Variants in LRCH3 observed in about 807,000 individuals in gnomAD.
LRCH3 encodes the protein leucine rich repeats and calponin homology domain containing 3, also known as DISP complex protein LRCH3.
In LRCH3, 68 loss-of-function variants were observed where a neutral mutation model predicts 104.5. The observed-to-expected ratio is 0.65, with a 90% CI of 0.54 to 0.80. LRCH3 has a LOEUF of 0.80. Ranked by LOEUF, LRCH3 falls within the 30% of genes least tolerant of loss-of-function variation. The probability of loss-of-function intolerance (pLI) is 0.00; values close to 1 mark genes in which losing one functional copy is unlikely to be tolerated. For synonymous variants in LRCH3, 344 were observed against 361.3 expected, an observed-to-expected ratio of 0.95 and a Z score of 0.54; for missense variants, 951 against 953.9, an observed-to-expected ratio of 1.00 and a Z score of 0.04.
intron 20 of LRCH3, chr3:197,880,760 A>G: frequency 1.3e-6 from 2 of 1,534,498 alleles, no homozygotes; most frequent in Non-Finnish European, 1.7e-6. Context: ...TGTGCTTGGT[A>G]AAGGAGGTTT....
At chr3:197,830,980 C>T in intron 7 of LRCH3, 117 bp downstream of exon 7, 1 of 880,250 alleles carries the variant, frequency 1.1e-6, no homozygotes, top group Non-Finnish European at 1.8e-6. Flanking sequence ...ACAGAAAAGT[C>T]AAGGTGGAGG....
At position 197,817,331 on chromosome 3, in the gene LRCH3, T is replaced by TTTTGTGTGTGTGC. The variant is rs1553916504; in HGVS notation, c.534+29_534+30insTTTGTGTGTGTGC. ...AGTTAATATTTTTGATTGTCCAACA[T>TTTTGTGTGTGTGC]GTGTGTGTGTGTGTCTGTGTGTGTG... On this transcript the variant is annotated intron_variant, in intron 3 of 20. Transcript: ENST00000425562. 5 of 445,902 alleles carry TTTTGTGTGTGTGC rather than the reference T, an allele frequency of 1.1e-5. No individual in the cohort carries two copies. In the South Asian group the frequency reaches 1.3e-4, roughly 12 times the overall value. The allele number at this position is 445,902 out of a possible 1,614,324, so 27.6% of individuals were successfully genotyped here. A position where few individuals can be genotyped will look rare whatever the true frequency, so the allele number is the denominator to read the frequency against.
chr3:197,855,873 TC>T (rs1318810344), intron 14 of LRCH3, among the ~76,000 whole-genome samples: 1 of 152,206 alleles, frequency 6.6e-6, no homozygotes, highest in African/African-American at 2.4e-5. Flanking sequence ...CCAAATAGTG[TC>T]CAACCAACAC....
chr3:197,876,748 T>G (rs542372111), intron 20 of LRCH3, among the ~76,000 whole-genome samples: 1 of 152,292 alleles, frequency 6.6e-6, no homozygotes, highest in Non-Finnish European at 1.5e-5. Context: ...GCCCTGGGGC[T>G]CATCAACAGC....
chr3:197,837,642 C>G (rs148967083), intron 9 of LRCH3, among the ~76,000 whole-genome samples: 1 of 152,004 alleles, frequency 6.6e-6, no homozygotes, highest in Non-Finnish European at 1.5e-5. Context: ...ATAGACCATT[C>G]CTGTCTGAAC....
intron 20 of LRCH3, among the ~76,000 whole-genome samples, chr3:197,879,575 G>A (rs1419907239): frequency 1.3e-5 from 2 of 151,862 alleles, no homozygotes; most frequent in Non-Finnish European, 2.9e-5. Context: ...GAACCCGGGA[G>A]GCGGAGCTTG....
intron 4 of LRCH3, among the ~76,000 whole-genome samples, chr3:197,821,659 C>T (rs566983173): frequency 1.1e-4 from 17 of 152,258 alleles, no homozygotes; most frequent in Admixed American, 2.6e-4. Context: ...CAAAATATGA[C>T]TTACAGTGTA....
At chr3:197,838,011 G>T (rs1237795117) in intron 9 of LRCH3, among the ~76,000 whole-genome samples, 4 of 151,898 alleles carry the variant, frequency 2.6e-5, no homozygotes, top group Non-Finnish European at 4.4e-5. Flanking sequence ...AGTGAGCCGA[G>T]ATTGTGCTAC....
chr3:197,794,232 T>C (rs921737083), intron 1 of LRCH3, among the ~76,000 whole-genome samples: 3 of 152,234 alleles, frequency 2.0e-5, no homozygotes, highest in African/African-American at 7.2e-5. Context: ...TTCATCTAAC[T>C]CTGTTCTTTC....
chr3:197,834,730 T>C (rs1376274019), intron 8 of LRCH3, among the ~76,000 whole-genome samples: 12 of 152,242 alleles, frequency 7.9e-5, no homozygotes, highest in African/African-American at 2.9e-4. Flanking sequence ...TAAGGAGCTG[T>C]CCAAAGAAAA....
chr3:197,832,486 CTA>C (rs1736093112), intron 8 of LRCH3, among the ~76,000 whole-genome samples, 169 bp downstream of exon 8: 1 of 152,108 alleles, frequency 6.6e-6, no homozygotes, highest in African/African-American at 2.4e-5. Flanking sequence ...TGGGATGAAA[CTA>C]TGATTTCTGG....
rs71166710 is a variant in LRCH3 at position 197,833,365 on chromosome 3, G to GAAAAAAAAAAAA, written c.1102+1063_1102+1074dup. 1.8e-4 allele frequency among the ~76,000 whole-genome samples: 6 copies of GAAAAAAAAAAAA among 33,336 alleles called. 1 individual carries two copies. Among genetic ancestry groups the GAAAAAAAAAAAA allele is most frequent in the Non-Finnish European group, 2.4e-4 (5 of 20,716 alleles). 21.9% of individuals were successfully genotyped at this position (33,336 alleles called of 152,430 possible). A position where few individuals can be genotyped will look rare whatever the true frequency, so the allele number is the denominator to read the frequency against. On this transcript the variant is annotated intron_variant, in intron 8 of 20. Coordinates refer to ENST00000425562, the MANE Select transcript of LRCH3 (RefSeq NM_001365715.1). The stretch of plus-strand genomic sequence containing the variant: ...TGAAACCCCATCTCTACTAAAAACC[G>GAAAAAAAAAAAA]AAAAAAAAAAAAAAAAAAAAAAAAA...
Position 197,883,734 on chromosome 3 carries a change from A to G in LRCH3, c.*68A>G. The G allele has an allele frequency of 6.8e-7, 1 of 1,470,408 alleles. No homozygotes were observed. The highest frequency in any genetic ancestry group is 1.3e-5 in the South Asian group (1 of 77,096). 91.1% of individuals were successfully genotyped at this position (1,470,408 alleles called of 1,614,324 possible). A position where few individuals can be genotyped will look rare whatever the true frequency, so the allele number is the denominator to read the frequency against. On this transcript the variant is annotated 3_prime_UTR_variant, in exon 21 of 21. Coordinates refer to ENST00000425562, the MANE Select transcript of LRCH3 (RefSeq NM_001365715.1). The surrounding 1 kb of genome is among the most constrained non-coding windows in gnomAD (Gnocchi z 4.2). ...ACAGGACACCGTGATTGCTGCTGCC[A>G]GCTGTCTGCTTAAACAAAGCTCTTG...
At chr3:197,841,262 G>A (rs1415911771) in intron 10 of LRCH3, among the ~76,000 whole-genome samples, 2 of 152,152 alleles carry the variant, frequency 1.3e-5, no homozygotes, top group African/African-American at 2.4e-5. Context: ...TGCAGTTACC[G>A]GTCCCCATTA....
chr3:197,866,007 A>G, intron 16 of LRCH3, 105 bp from the exon 17 acceptor site: 1 of 807,960 alleles, frequency 1.2e-6, no homozygotes, highest in Non-Finnish European at 2.0e-6. Flanking sequence ...GAATTATTTT[A>G]TATCATTGCC....
chr3:197,860,782 A>G (rs1740784292), intron 15 of LRCH3, among the ~76,000 whole-genome samples: 1 of 152,120 alleles, frequency 6.6e-6, no homozygotes, highest in South Asian at 2.1e-4. Flanking sequence ...TTATTTTTAA[A>G]TGTACAATTA....
chr3:197,852,261 C>G (rs1365903384), intron 12 of LRCH3: 1 of 256,284 alleles, frequency 3.9e-6, no homozygotes, highest in Non-Finnish European at 7.5e-6. Flanking sequence ...AAACACAAAC[C>G]TGAGATTTGC....
chr3:197,839,213 G>A (rs4857594), intron 9 of LRCH3, 108 bp from the exon 10 acceptor site: 115,283 of 688,226 alleles, frequency 0.17, 12,903 homozygotes, highest in African/African-American at 0.5. Flanking sequence ...CTATTAAAAT[G>A]TTTTTTAGTG....
chr3:197,809,307 AAAG>A (rs1732855351), intron 1 of LRCH3, among the ~76,000 whole-genome samples: 1 of 152,196 alleles, frequency 6.6e-6, no homozygotes, highest in South Asian at 2.1e-4. Flanking sequence ...AAAAAAAAAA[AAAG>A]GACTTTTTTT....
Sources: gnomAD v4.1 joint callset for allele counts (sites outside exome capture counted in the v4.1 genomes callset) on GRCh38, gnomAD v4.1.1 for gene constraint, Gnocchi (gnomAD v3.1) non-coding constraint, MANE v1.5 for transcripts, NCBI Gene and HGNC (gene_info 2026-07-23, HGNC 2026-07-21) for gene names.